The following LRMDA variants were observed in gnomAD, a reference collection of about 807,000 sequenced individuals.
LRMDA encodes leucine rich melanocyte differentiation associated, also known as leucine-rich melanocyte differentiation-associated protein.
A neutral mutation model predicts 29.8 loss-of-function variants in LRMDA; 18 were observed. The ratio of observed to expected loss-of-function variants is 0.60; its 90% confidence interval spans 0.42 to 0.90. The LOEUF is 0.90. Ranked by LOEUF, LRMDA falls within the 40% of genes least tolerant of loss-of-function variation. The pLI is 0.00. For missense variants in LRMDA, 273 were observed against 273.9 expected (o/e 1.00, Z 0.02); for synonymous variants, 125 against 109.4 (o/e 1.14, Z -0.89).
chr10:75,582,540 G>A (rs1414644569), intron 2 of LRMDA, among the ~76,000 whole-genome samples: 6 of 152,192 alleles, frequency 3.9e-5, no homozygotes, highest in African/African-American at 1.2e-4. Flanking sequence ...GGGGCCTTGG[G>A]CATGGCCCAC....
chr10:75,470,169 C>T (rs534011023), intron 2 of LRMDA, among the ~76,000 whole-genome samples: 15 of 152,196 alleles, frequency 9.9e-5, no homozygotes, highest in Non-Finnish European at 1.6e-4. Flanking sequence ...GTTCTGCCTA[C>T]GTTGCATTTA....
At chr10:75,442,001 A>G (rs1035165536) in intron 2 of LRMDA, among the ~76,000 whole-genome samples, 6 of 152,208 alleles carry the variant, frequency 3.9e-5, no homozygotes, top group African/African-American at 1.4e-4. Context: ...AGAAAGTCTC[A>G]TTTACACCAT....
intron 6 of LRMDA, among the ~76,000 whole-genome samples, chr10:76,548,240 C>T (rs1843445369): frequency 6.6e-6 from 1 of 152,076 alleles, no homozygotes; most frequent in Non-Finnish European, 1.5e-5. Flanking sequence ...AAAGAATTTA[C>T]CTAAAATGAG....
At chr10:76,221,979 T>C (rs1333200460) in intron 5 of LRMDA, among the ~76,000 whole-genome samples, 2 of 151,978 alleles carry the variant, frequency 1.3e-5, no homozygotes, top group African/African-American at 4.8e-5. Context: ...TCTACAACTA[T>C]CTGATCTTTG....
At chr10:75,547,186 T>C (rs1170023121) in intron 2 of LRMDA, among the ~76,000 whole-genome samples, 1 of 152,112 alleles carries the variant, frequency 6.6e-6, no homozygotes, top group South Asian at 2.1e-4. Flanking sequence ...CACCCAAGAT[T>C]CTATTTATTC....
intron 6 of LRMDA, among the ~76,000 whole-genome samples, chr10:76,437,236 T>C (rs532554032): frequency 1.3e-5 from 2 of 152,336 alleles, no homozygotes; most frequent in Admixed American, 6.5e-5. Flanking sequence ...CTGAACAGCT[T>C]AGCAGACCAG....
intron 2 of LRMDA, among the ~76,000 whole-genome samples, chr10:75,677,258 G>A (rs1841971041): frequency 6.6e-6 from 1 of 152,094 alleles, no homozygotes; most frequent in Admixed American, 6.5e-5. Context: ...AGATATTCTT[G>A]GTTTGGAGAT....
intron 6 of LRMDA, among the ~76,000 whole-genome samples, chr10:76,342,358 G>A (rs1342348285): frequency 2.6e-5 from 4 of 151,998 alleles, no homozygotes; most frequent in Non-Finnish European, 4.4e-5. Context: ...TTACCTATGA[G>A]AATGTATAGA....
chr10:76,392,836 C>G (rs1373006377), intron 6 of LRMDA, among the ~76,000 whole-genome samples: 1 of 152,024 alleles, frequency 6.6e-6, no homozygotes, highest in Non-Finnish European at 1.5e-5. Context: ...AATATCTTCC[C>G]AACTTACTTA....
chr10:75,865,854 G>A (rs562677637), intron 2 of LRMDA, among the ~76,000 whole-genome samples: 3 of 152,156 alleles, frequency 2.0e-5, no homozygotes, highest in South Asian at 4.1e-4. Context: ...GAAAGCTGAA[G>A]AAAAAAGCAA....
intron 5 of LRMDA, among the ~76,000 whole-genome samples, chr10:76,236,041 T>G (rs1226114026): frequency 6.6e-6 from 1 of 152,080 alleles, no homozygotes. Context: ...CCCAAAGAAG[T>G]CGATGGGATG....
intron 2 of LRMDA, among the ~76,000 whole-genome samples, chr10:75,487,700 C>T (rs930208656): frequency 6.6e-6 from 1 of 152,210 alleles, no homozygotes; most frequent in African/African-American, 2.4e-5. Flanking sequence ...GCTGTGACCA[C>T]AACTCTCCAC....
chr10:75,504,955 G>A (rs1386612133), intron 2 of LRMDA, among the ~76,000 whole-genome samples: 2 of 152,154 alleles, frequency 1.3e-5, no homozygotes, highest in Non-Finnish European at 2.9e-5. Context: ...GGTAGATCAT[G>A]TCATCCTTGG....
chr10:76,152,179 G>T (rs1302125890), intron 5 of LRMDA, among the ~76,000 whole-genome samples: 13 of 152,078 alleles, frequency 8.5e-5, no homozygotes, highest in Non-Finnish European at 1.5e-5. Context: ...CTCCCAATCT[G>T]CCTCTTCCTT....
chr10:75,542,290 T>TG (rs1489130014), intron 2 of LRMDA, among the ~76,000 whole-genome samples: 1 of 152,108 alleles, frequency 6.6e-6, no homozygotes, highest in Non-Finnish European at 1.5e-5. Context: ...TTTTTTTTTT[T>TG]GGTTTTTCCC....
At chr10:76,010,986 A>G (rs1282930547) in intron 2 of LRMDA, among the ~76,000 whole-genome samples, 1 of 152,272 alleles carries the variant, frequency 6.6e-6, no homozygotes, top group African/African-American at 2.4e-5. Context: ...GGTTTAGTAG[A>G]TAAAATCTGT....
At position 76,379,161 on chromosome 10, in the gene LRMDA, TTGTGTG is replaced by T. The variant is rs57245101; in HGVS notation, c.601+54712_601+54717del. On this transcript the variant is annotated intron_variant, in intron 6 of 6. Transcript: ENST00000611255. Reference sequence around the variant, plus strand: ...CGTGAGCCACTGTGCCTGGCCTTCTTTGTGTGTGTGTGTGTGTGTGTGTGTGTGTGT... The same window carrying T: ...CGTGAGCCACTGTGCCTGGCCTTCTTTGTGTGTGTGTGTGTGTGTGTGTGT... Among the ~76,000 whole-genome samples, 751 of 137,922 alleles carry T rather than the reference TTGTGTG, an allele frequency of 5.4e-3. 3 individuals carry two copies. The highest frequency in any genetic ancestry group is 0.028 in the South Asian group (113 of 4,108). 90.5% of individuals were successfully genotyped at this position (137,922 alleles called of 152,430 possible). A position where few individuals can be genotyped will look rare whatever the true frequency, so the allele number is the denominator to read the frequency against.
intron 5 of LRMDA, among the ~76,000 whole-genome samples, chr10:76,227,184 G>GT (rs1851974783): frequency 6.6e-6 from 1 of 152,128 alleles, no homozygotes; most frequent in Non-Finnish European, 1.5e-5. Context: ...ATTTAGAATG[G>GT]TTTTTCATGT....
chr10:75,933,784 G>GT, intron 2 of LRMDA, among the ~76,000 whole-genome samples: 1 of 152,252 alleles, frequency 6.6e-6, no homozygotes, highest in Non-Finnish European at 1.5e-5. Flanking sequence ...TTGGGGATAT[G>GT]TTTTTTAGGT....
Sources: allele counts gnomAD v4.1 joint callset (sites outside exome capture counted in the v4.1 genomes callset), GRCh38; gene constraint gnomAD v4.1.1; transcripts MANE v1.5; gene names NCBI Gene and HGNC (gene_info 2026-07-23, HGNC 2026-07-21).